CARMIL1: variants seen among roughly 807,000 people sequenced by gnomAD.
CARMIL1 encodes F-actin-uncapping protein LRRC16A.
CARMIL1 carries 90 observed loss-of-function variants against 177.1 expected under a neutral mutation model. The observed-to-expected ratio is 0.51, with a 90% CI of 0.43 to 0.61. The LOEUF (loss-of-function observed/expected upper bound fraction) is 0.61, where lower values mean the gene tolerates loss of function less well. Ranked by LOEUF, CARMIL1 falls within the 20% of genes least tolerant of loss-of-function variation. CARMIL1 has a pLI of 0.00. For synonymous variants in CARMIL1, 577 were observed against 606.2 expected (o/e 0.95, Z 0.71); for missense variants, 1,380 against 1,667.0 (o/e 0.83, Z 3.00).
chr6:25,302,083 A>T (rs942067649), intron 2 of CARMIL1, among the ~76,000 whole-genome samples: 1 of 152,332 alleles, frequency 6.6e-6, no homozygotes, highest in Admixed American at 6.5e-5. Context: ...AGCATTGTAA[A>T]TCATTTTCTG....
At chr6:25,307,550 C>A (rs1298497797) in intron 2 of CARMIL1, among the ~76,000 whole-genome samples, 1 of 152,090 alleles carries the variant, frequency 6.6e-6, no homozygotes, top group African/African-American at 2.4e-5. Context: ...GGAATTATTT[C>A]CAGGTTTTGT....
At chr6:25,348,509 C>A (rs144076958) in intron 2 of CARMIL1, among the ~76,000 whole-genome samples, 55 of 151,900 alleles carry the variant, frequency 3.6e-4, no homozygotes, top group African/African-American at 1.3e-3. Context: ...ATAGGCTGGG[C>A]GTGATGGCTC....
At chr6:25,363,570 CT>C (rs1481517338) in intron 2 of CARMIL1, among the ~76,000 whole-genome samples, 2 of 152,156 alleles carry the variant, frequency 1.3e-5, no homozygotes, top group Admixed American at 6.5e-5. Context: ...TGAGTGAGCT[CT>C]TACTTGGTGC....
chr6:25,572,618 T>A (rs1812188465), intron 29 of CARMIL1, among the ~76,000 whole-genome samples: 1 of 149,822 alleles, frequency 6.7e-6, no homozygotes, highest in South Asian at 2.1e-4. Context: ...GGAAGATGGC[T>A]TAAGCCCAGG....
At chr6:25,381,765 C>G (rs1267351601) in intron 2 of CARMIL1, among the ~76,000 whole-genome samples, 1 of 152,156 alleles carries the variant, frequency 6.6e-6, no homozygotes, top group African/African-American at 2.4e-5. Context: ...AACTCTTTAA[C>G]TTAGAGGTTT....
chr6:25,460,679 C>G (rs1800045055), intron 8 of CARMIL1, among the ~76,000 whole-genome samples: 3 of 152,192 alleles, frequency 2.0e-5, no homozygotes, highest in Non-Finnish European at 4.4e-5. Context: ...GTATGTGTAG[C>G]TATAATTTAT....
In CARMIL1 at chr6:25,373,063, A is replaced by C. The variant is rs563870227; in HGVS notation, c.139-47051A>C. Among the ~76,000 whole-genome samples the C allele has an allele frequency of 2.0e-5, 3 of 152,272 alleles. No homozygotes were observed. The South Asian group carries it at 6.2e-4, about 32-fold the overall frequency. On this transcript the variant is annotated intron_variant, in intron 2 of 36. Coordinates refer to ENST00000329474, the MANE Select transcript of CARMIL1 (RefSeq NM_017640.6). ...TGATGTTTCACATTTATTGACTTGC[A>C]TTTGTTAAATCATCCCTACATCCTG...
chr6:25,457,920 A>G (rs1454230065), intron 8 of CARMIL1, among the ~76,000 whole-genome samples: 2 of 152,232 alleles, frequency 1.3e-5, no homozygotes, highest in African/African-American at 4.8e-5. Context: ...CTTCACATCC[A>G]TGAATTATTT....
chr6:25,432,133 G>C (rs192009286), intron 4 of CARMIL1, among the ~76,000 whole-genome samples: 2 of 152,138 alleles, frequency 1.3e-5, no homozygotes, highest in African/African-American at 4.8e-5. Flanking sequence ...GTGGACGTTT[G>C]TTTTTTTAAC....
rs1210808658 is a variant in CARMIL1, at chr6:25,558,033, A to G, written c.2742+1183A>G. Among the ~76,000 whole-genome samples, 1 of 152,180 alleles carries G rather than the reference A, an allele frequency of 6.6e-6. No homozygotes were observed. Among genetic ancestry groups the G allele is most frequent in the African/African-American group, 2.4e-5 (1 of 41,458 alleles). On this transcript the variant is annotated intron_variant, in intron 29 of 36. Transcript: ENST00000329474. This position sits in a 1 kb window ranked among gnomAD's most constrained non-coding sequence, Gnocchi z 4.1. ...CATATATTTAATCTGGGTGGAGGAA[A>G]TTGTCAAGTTTTTAAAAACTTGGTT...
intron 2 of CARMIL1, among the ~76,000 whole-genome samples, chr6:25,373,031 G>A (rs1000621860): frequency 6.6e-6 from 1 of 152,116 alleles, no homozygotes; most frequent in African/African-American, 2.4e-5. Context: ...AAAAAATTCT[G>A]TTTATATGAT....
At chr6:25,504,642 A>G (rs138549169) in intron 17 of CARMIL1, among the ~76,000 whole-genome samples, 2 of 152,204 alleles carry the variant, frequency 1.3e-5, no homozygotes, top group Admixed American at 6.5e-5. Context: ...GATAACTTCT[A>G]TACTTACAGG....
At chr6:25,442,338 C>A (rs1797844710) in intron 5 of CARMIL1, among the ~76,000 whole-genome samples, 1 of 151,410 alleles carries the variant, frequency 6.6e-6, no homozygotes, top group South Asian at 2.1e-4. Flanking sequence ...GCTGAATCAA[C>A]GCTAGTGCTG....
At chr6:25,368,113 T>C (rs920369662) in intron 2 of CARMIL1, among the ~76,000 whole-genome samples, 1 of 152,124 alleles carries the variant, frequency 6.6e-6, no homozygotes, top group African/African-American at 2.4e-5. Context: ...TGAGCACAAC[T>C]CTGAGAGAAA....
intron 35 of CARMIL1, among the ~76,000 whole-genome samples, chr6:25,609,389 C>A (rs573267614): frequency 2.9e-4 from 44 of 151,764 alleles, no homozygotes; most frequent in African/African-American, 1.1e-3. Context: ...TCGCTTAGAC[C>A]CAGGAGGCGG....
intron 31 of CARMIL1, among the ~76,000 whole-genome samples, chr6:25,583,334 GC>G (rs1813305722): frequency 6.6e-6 from 1 of 152,204 alleles, no homozygotes; most frequent in Non-Finnish European, 1.5e-5. Context: ...CACAGCCTGA[GC>G]AACTCTCCAT....
chr6:25,408,740 A>G (rs1336914703), intron 2 of CARMIL1, among the ~76,000 whole-genome samples: 2 of 151,960 alleles, frequency 1.3e-5, no homozygotes, highest in African/African-American at 2.4e-5. Context: ...CTGTATAGAA[A>G]GTGTGAGGTG....
chr6:25,520,149 T>C, intron 22 of CARMIL1, 95 bp from the exon 23 acceptor site: 2 of 616,846 alleles, frequency 3.2e-6, no homozygotes, highest in South Asian at 5.2e-5. Context: ...AAGCTACTCT[T>C]GCAGCTATCC....
Position 25,500,859 on chromosome 6 carries a change from A to G in CARMIL1, c.1395+624A>G, listed in dbSNP as rs1804244363. On this transcript the variant is annotated intron_variant, in intron 17 of 36. Coordinates refer to ENST00000329474, the MANE Select transcript of CARMIL1 (RefSeq NM_017640.6). ...TTTGGCCACTCTGCCTCCTGGGTTC[A>G]CGCCATTCTCCTGCCTCAGCCTCCC... is the stretch of plus-strand genomic sequence containing the variant. Among the ~76,000 whole-genome samples, 3 of 151,614 alleles carry G rather than the reference A, an allele frequency of 2.0e-5. No homozygotes were observed. The South Asian group carries it at 6.3e-4, about 32-fold the overall frequency.
Sources: allele counts gnomAD v4.1 joint callset (sites outside exome capture counted in the v4.1 genomes callset), GRCh38; gene constraint gnomAD v4.1.1; non-coding constraint Gnocchi (gnomAD v3.1); transcripts MANE v1.5; gene names NCBI Gene and HGNC (gene_info 2026-07-23, HGNC 2026-07-21).